The following RAB31 variants were observed in gnomAD, a reference collection of about 807,000 sequenced individuals.
The protein encoded by RAB31 is ras-related protein Rab-31.
RAB31 carries 21 observed loss-of-function variants against 25.6 expected under a neutral mutation model. The ratio of observed to expected loss-of-function variants is 0.82; its 90% CI spans 0.58 to 1.18. The LOEUF is 1.18. Ranked by LOEUF, RAB31 falls within the 50% of genes most tolerant of loss-of-function variation. The probability of loss-of-function intolerance (pLI) is 0.00; values close to 1 mark genes in which losing one functional copy is unlikely to be tolerated. For synonymous variants in RAB31, 87 were observed against 84.0 expected (o/e 1.04, Z -0.20); for missense variants, 196 against 250.1 (o/e 0.78, Z 1.46).
At chr18:9,826,898 C>T (rs2143100486) in intron 5 of RAB31, among the ~76,000 whole-genome samples, 1 of 152,266 alleles carries the variant, frequency 6.6e-6, no homozygotes, top group South Asian at 2.1e-4. Flanking sequence ...TATCCTATCC[C>T]ACCCTGGCCC....
At chr18:9,788,678 G>T (rs2068445468) in intron 2 of RAB31, among the ~76,000 whole-genome samples, 1 of 152,196 alleles carries the variant, frequency 6.6e-6, no homozygotes, top group African/African-American at 2.4e-5. Flanking sequence ...ATCAACAAAT[G>T]AATGGAGGCT....
At chr18:9,820,414 T>C (rs1432959812) in intron 5 of RAB31, among the ~76,000 whole-genome samples, 1 of 152,112 alleles carries the variant, frequency 6.6e-6, no homozygotes, top group Admixed American at 6.5e-5. Flanking sequence ...AGTGTTTTGT[T>C]AAGGATTTTT....
intron 1 of RAB31, among the ~76,000 whole-genome samples, chr18:9,742,945 T>C (rs1001745228): frequency 1.3e-5 from 2 of 152,202 alleles, no homozygotes; most frequent in African/African-American, 2.4e-5. Context: ...TTTTTCAAAG[T>C]CGCAAATGAA....
intron 1 of RAB31, among the ~76,000 whole-genome samples, chr18:9,745,931 C>A (rs1204711105): frequency 6.6e-6 from 1 of 152,094 alleles, no homozygotes. Flanking sequence ...AGCAATTACG[C>A]ATGTAAAAGA....
chr18:9,758,781 C>T (rs1382894811), intron 1 of RAB31, among the ~76,000 whole-genome samples: 1 of 152,056 alleles, frequency 6.6e-6, no homozygotes, highest in Non-Finnish European at 1.5e-5. Context: ...GCGAGTGTGG[C>T]ATGACCTTTC....
chr18:9,851,869 A>C (rs1274300446), intron 6 of RAB31, among the ~76,000 whole-genome samples: 1 of 151,968 alleles, frequency 6.6e-6, no homozygotes. Context: ...AATATTTCAT[A>C]ATCTATTTCA....
At chr18:9,720,210 C>T (rs1316895807) in intron 1 of RAB31, among the ~76,000 whole-genome samples, 18 of 152,302 alleles carry the variant, frequency 1.2e-4, no homozygotes, top group South Asian at 4.1e-4. Context: ...GTGATCCACC[C>T]GCCTCGACCT....
In RAB31 at chr18:9,719,320, TATATATATAAATAA is replaced by T. The variant is rs1244425875; in HGVS notation, c.39+10880_39+10893del. Among the ~76,000 whole-genome samples, 578 of 73,114 alleles carry T rather than the reference TATATATATAAATAA, an allele frequency of 7.9e-3. 51 individuals carry two copies. The highest frequency in any genetic ancestry group is 0.031 in the East Asian group (58 of 1,856). 48.0% of individuals were successfully genotyped at this position (73,114 alleles called of 152,430 possible). A position where few individuals can be genotyped will look rare whatever the true frequency, so the allele number is the denominator to read the frequency against. On this transcript the variant is annotated intron_variant, in intron 1 of 6. Transcript: ENST00000578921. ...AAAAATATATATATATATATATATA[TATATATATAAATAA>T]ATAAATTTGATCTAATTATGAGGGA...
intron 1 of RAB31, among the ~76,000 whole-genome samples, chr18:9,746,464 A>AAAG (rs879495806): frequency 0.026 from 3,914 of 152,282 alleles, 152 homozygotes; most frequent in East Asian, 0.15. Context: ...TAGCCAAAAC[A>AAAG]ATCTTGATAA....
At chr18:9,847,331 C>T (rs1278097940) in intron 6 of RAB31, among the ~76,000 whole-genome samples, 1 of 152,194 alleles carries the variant, frequency 6.6e-6, no homozygotes, top group East Asian at 1.9e-4. Flanking sequence ...TCCATCCTTA[C>T]AGCCCCGCGT....
At chr18:9,829,824 C>G (rs1047480901) in intron 5 of RAB31, among the ~76,000 whole-genome samples, 2 of 151,800 alleles carry the variant, frequency 1.3e-5, no homozygotes, top group Non-Finnish European at 2.9e-5. Flanking sequence ...CTGTGAAGTG[C>G]CTGTTCAAAT....
At chr18:9,711,181 T>C (rs2068015381) in intron 1 of RAB31, among the ~76,000 whole-genome samples, 1 of 152,016 alleles carries the variant, frequency 6.6e-6, no homozygotes, top group African/African-American at 2.4e-5. Context: ...TCTCTCTCTC[T>C]CTCTCTCCTC....
At chr18:9,730,779 T>C (rs1158968614) in intron 1 of RAB31, among the ~76,000 whole-genome samples, 3 of 152,238 alleles carry the variant, frequency 2.0e-5, no homozygotes. Context: ...CCCAGTGAGA[T>C]GGAAGTTCTG....
intron 3 of RAB31, among the ~76,000 whole-genome samples, chr18:9,811,675 T>A (rs2068571813): frequency 6.6e-6 from 1 of 152,124 alleles, no homozygotes. Context: ...CTGTTAAGAT[T>A]TAGAGGAACC....
chr18:9,716,934 T>TTTC (rs763677584), intron 1 of RAB31, among the ~76,000 whole-genome samples: 11 of 125,570 alleles, frequency 8.8e-5, no homozygotes, highest in Middle Eastern at 4.0e-3. Flanking sequence ...TTCTTTCTTT[T>TTTC]TTTTTTGGTA....
chr18:9,808,936 G>A (rs1372490203), intron 3 of RAB31, among the ~76,000 whole-genome samples: 1 of 152,220 alleles, frequency 6.6e-6, no homozygotes, highest in Non-Finnish European at 1.5e-5. Context: ...TAGAATTTAC[G>A]ATGCCACAAA....
At chr18:9,788,714 C>T (rs1008564849) in intron 2 of RAB31, among the ~76,000 whole-genome samples, 1 of 152,172 alleles carries the variant, frequency 6.6e-6, no homozygotes, top group African/African-American at 2.4e-5. Flanking sequence ...ACCTGTAATC[C>T]CAGCACTTTG....
chr18:9,710,120 C>G (rs2068008716), intron 1 of RAB31, among the ~76,000 whole-genome samples: 1 of 152,198 alleles, frequency 6.6e-6, no homozygotes, highest in Non-Finnish European at 1.5e-5. Context: ...GGACAGGTCT[C>G]TATGTCCTCC....
In RAB31 at chr18:9,860,099, G is replaced by A. The variant is rs886782388; in HGVS notation, c.*774G>A. ...GATGCAGGACATACACATTATTCAAGAGACCACCTGACATGCATCTCCTCC... is the reference window on the plus strand; with the variant it reads ...GATGCAGGACATACACATTATTCAAAAGACCACCTGACATGCATCTCCTCC... On this transcript the variant is annotated 3_prime_UTR_variant, in exon 7 of 7. Coordinates refer to ENST00000578921, the MANE Select transcript of RAB31 (RefSeq NM_006868.4). 3.9e-5 allele frequency: 6 copies of A among 152,170 alleles called. No individual in the cohort carries two copies. Among genetic ancestry groups the A allele is most frequent in the African/African-American group, 1.4e-4 (6 of 41,426 alleles). The allele number at this position is 152,170 out of a possible 1,614,324, so 9.4% of individuals were successfully genotyped here. A position where few individuals can be genotyped will look rare whatever the true frequency, so the allele number is the denominator to read the frequency against.
Sources: gnomAD v4.1 joint callset for allele counts (sites outside exome capture counted in the v4.1 genomes callset) on GRCh38, gnomAD v4.1.1 for gene constraint, MANE v1.5 for transcripts, NCBI Gene and HGNC (gene_info 2026-07-23, HGNC 2026-07-21) for gene names.